The following RPAP3 variants were observed in gnomAD, a reference collection of about 807,000 sequenced individuals.
RPAP3 encodes the protein RNA polymerase II associated protein 3, also known as RNA polymerase II-associated protein 3.
RPAP3 carries 58 observed loss-of-function variants against 88.8 expected under a neutral mutation model. The ratio of observed to expected loss-of-function variants is 0.65; its 90% CI spans 0.53 to 0.81. The LOEUF is 0.81. Ranked by LOEUF, RPAP3 falls within the 40% of genes least tolerant of loss-of-function variation. The pLI, the probability that RPAP3 is intolerant of heterozygous loss-of-function variation, is 0.00. For missense variants in RPAP3, 751 were observed against 764.3 expected (o/e 0.98, Z 0.20); for synonymous variants, 255 against 259.9 (o/e 0.98, Z 0.18).
At chr12:47,688,698 A>G (rs1939372287) in intron 7 of RPAP3, among the ~76,000 whole-genome samples, 1 of 152,202 alleles carries the variant, frequency 6.6e-6, no homozygotes, top group South Asian at 2.1e-4. Context: ...TTTTAAACAT[A>G]TGTAATACAG....
Position 47,667,785 on chromosome 12 carries a change from T to C in RPAP3, c.1780A>G (p.Ile594Val), listed in dbSNP as rs1938912144. Residue 594 changes from isoleucine to valine, a missense_variant, in exon 15 of 17, where the codon ATC becomes GTC. Transcript: ENST00000005386. ...TAAAAGTCATGCAGAATTTTAACGATCTGGTTGAATACATCTGGATCCAGA... is the reference window on the plus strand; with the variant it reads ...TAAAAGTCATGCAGAATTTTAACGACCTGGTTGAATACATCTGGATCCAGA... ...KNLDPDVFNQ[I>V]VKILHDFYIE... 1.2e-6 allele frequency: 2 copies of C among 1,605,582 alleles called. No homozygotes were observed. The highest frequency in any genetic ancestry group is 1.3e-5 in the African/African-American group (1 of 74,644).
In RPAP3 at chr12:47,661,958, T is replaced by C. The variant is rs118155746; in HGVS notation, c.*1547A>G. The C allele has an allele frequency of 0.032, 4,933 of 152,240 alleles. 126 individuals are homozygous for C. Among genetic ancestry groups the C allele is most frequent in the Non-Finnish European group, 0.055 (3,730 of 68,026 alleles). The allele number at this position is 152,240 out of a possible 1,614,324, so 9.4% of individuals were successfully genotyped here. A position where few individuals can be genotyped will look rare whatever the true frequency, so the allele number is the denominator to read the frequency against. On this transcript the variant is annotated 3_prime_UTR_variant, in exon 17 of 17. Transcript: ENST00000005386. The stretch of plus-strand genomic sequence containing the variant: ...AGCTTACATTAATAAAAACAGAAAT[T>C]TATTTCTTACAGTTCTGGAGGATGG...
chr12:47,686,839 T>C lies in RPAP3; in HGVS notation c.933A>G (p.Ala311=). ...CTGGAAGAAGGGCATTAGCACCATC[T>C]GCTGCTATCCCTCGAGTATAGCATT... The part of the protein sequence containing the change: ...AIECYTRGIA[A]DGANALLPAN... Residue 311 remains alanine, a synonymous_variant, in exon 9 of 17, where the codon GCA becomes GCG. Transcript: ENST00000005386. 1 of 1,606,394 alleles carries C rather than the reference T, an allele frequency of 6.2e-7. No individual in the cohort carries two copies. The highest frequency in any genetic ancestry group is 8.5e-7 in the Non-Finnish European group (1 of 1,175,468).
intron 1 of RPAP3, among the ~76,000 whole-genome samples, chr12:47,703,311 T>C (rs927578629): frequency 1.3e-5 from 2 of 152,226 alleles, no homozygotes; most frequent in Middle Eastern, 3.2e-3. Flanking sequence ...CAAAATATGT[T>C]AAGCAGGGTT....
chr12:47,691,132 C>T (rs1369974424), intron 5 of RPAP3, among the ~76,000 whole-genome samples: 2 of 152,160 alleles, frequency 1.3e-5, no homozygotes. Flanking sequence ...ATAGTATTTA[C>T]ATAACAGAAC....
intron 3 of RPAP3, among the ~76,000 whole-genome samples, chr12:47,698,149 A>C (rs1939574207): frequency 6.6e-6 from 1 of 152,250 alleles, no homozygotes; most frequent in Non-Finnish European, 1.5e-5. Flanking sequence ...TTTAAAACGA[A>C]CAAAAAAAAG....
chr12:47,705,589 A>G (rs1939774596), intron 1 of RPAP3, among the ~76,000 whole-genome samples: 1 of 152,070 alleles, frequency 6.6e-6, no homozygotes, highest in African/African-American at 2.4e-5. Context: ...TGGGGGTATC[A>G]CTTTCACACC....
At chr12:47,669,880 C>T (rs1345823193) in intron 13 of RPAP3, among the ~76,000 whole-genome samples, 1 of 151,816 alleles carries the variant, frequency 6.6e-6, no homozygotes, top group Non-Finnish European at 1.5e-5. Context: ...TTCAAGATAC[C>T]TTCTTATCTT....
chr12:47,678,521 G>A (rs1218285357), intron 12 of RPAP3, among the ~76,000 whole-genome samples: 1 of 152,052 alleles, frequency 6.6e-6, no homozygotes, highest in Non-Finnish European at 1.5e-5. Context: ...CTAATATCCA[G>A]AATCTACAAA....
chr12:47,671,622 A>G (rs1288088456), intron 12 of RPAP3, among the ~76,000 whole-genome samples: 1 of 152,234 alleles, frequency 6.6e-6, no homozygotes, highest in Non-Finnish European at 1.5e-5. Context: ...GAATAATCAT[A>G]TTAAGTTAAG....
intron 14 of RPAP3, 45 bp from the exon 15 acceptor site, chr12:47,667,896 C>T (rs1304664069): frequency 8.4e-7 from 1 of 1,192,422 alleles, no homozygotes; most frequent in Non-Finnish European, 1.2e-6. Context: ...GCAACACTTA[C>T]ATATCACAAA....
chr12:47,692,770 C>T (rs1042780801), intron 5 of RPAP3, among the ~76,000 whole-genome samples: 1 of 152,200 alleles, frequency 6.6e-6, no homozygotes, highest in Admixed American at 6.5e-5. Flanking sequence ...TCTTGGCTTT[C>T]GACATGCCGT....
Position 47,702,727 on chromosome 12 carries a change from C to T in RPAP3, c.114G>A (p.Lys38=), listed in dbSNP as rs1565725188. Residue 38 remains lysine (K), a synonymous_variant, in exon 2 of 17, where the codon AAG becomes AAA. Coordinates refer to ENST00000005386, the MANE Select transcript of RPAP3 (RefSeq NM_024604.3). ...LENWEKDIKQ[K]DMELRRQNGV... ...CATTCTGTCTTCTTAGTTCCATATC[C>T]TTTTGTTTAATGTCTTTTTCCCAGT... 6.2e-7 allele frequency: 1 copy of T among 1,611,862 alleles called. No homozygotes were observed. Among genetic ancestry groups the T allele is most frequent in the Admixed American group, 1.7e-5 (1 of 59,826 alleles).
intron 1 of RPAP3, among the ~76,000 whole-genome samples, chr12:47,705,547 G>T (rs1939773103): frequency 6.6e-6 from 1 of 152,196 alleles, no homozygotes; most frequent in South Asian, 2.1e-4. Flanking sequence ...ATGGGGCGGG[G>T]GTGCGAGCCA....
At chr12:47,700,413 T>C (rs1344484851) in intron 3 of RPAP3, among the ~76,000 whole-genome samples, 1 of 152,234 alleles carries the variant, frequency 6.6e-6, no homozygotes. Flanking sequence ...TTTATTACTA[T>C]GCTTTAGAAC....
chr12:47,681,821 T>C lies in RPAP3; in HGVS notation c.993-4A>G, dbSNP rs577063835. The C allele has an allele frequency of 1.1e-5, 18 of 1,571,056 alleles. No homozygotes were observed. Among genetic ancestry groups the C allele is most frequent in the East Asian group, 2.3e-5 (1 of 43,342 alleles). On this transcript the variant is annotated splice_region_variant and splice_polypyrimidine_tract_variant and intron_variant, in intron 9 of 16. Coordinates refer to ENST00000005386, the MANE Select transcript of RPAP3 (RefSeq NM_024604.3). ...GTCTTTTTCAGCTTCTTCATATCTA[T>C]TGAACATGATAAAATTACTGACTGG...
chr12:47,687,166 T>C (rs1020827170), intron 8 of RPAP3, among the ~76,000 whole-genome samples: 1 of 152,182 alleles, frequency 6.6e-6, no homozygotes, highest in Non-Finnish European at 1.5e-5. Context: ...TATTATTCCA[T>C]TAATTACATA....
intron 7 of RPAP3, among the ~76,000 whole-genome samples, chr12:47,688,468 T>G (rs1939367879): frequency 6.6e-6 from 1 of 152,130 alleles, no homozygotes; most frequent in Non-Finnish European, 1.5e-5. Context: ...CCTGCACATG[T>G]ACCCTTTGAA....
chr12:47,686,978 T>C, intron 8 of RPAP3, 71 bp from the exon 9 acceptor site: 2 of 927,252 alleles, frequency 2.2e-6, no homozygotes, highest in Non-Finnish European at 3.2e-6. Context: ...TCAAATCTTA[T>C]GAAACACTGC....
Sources: gnomAD v4.1 joint callset for allele counts (sites outside exome capture counted in the v4.1 genomes callset) on GRCh38, gnomAD v4.1.1 for gene constraint, MANE v1.5 for transcripts, NCBI Gene and HGNC (gene_info 2026-07-23, HGNC 2026-07-21) for gene names.